The following MDGA2 variants were observed in gnomAD, a reference collection of about 807,000 sequenced individuals.
The protein encoded by MDGA2 is MAM domain containing glycosylphosphatidylinositol anchor 2.
Under a neutral mutation model 117.8 loss-of-function variants are expected in MDGA2, and 40 were observed. The ratio of observed to expected loss-of-function variants is 0.34; its 90% CI spans 0.26 to 0.44. MDGA2 has a LOEUF of 0.44. Among genes scored for constraint, MDGA2 ranks in the 20% least tolerant of loss-of-function variants. The probability of loss-of-function intolerance (pLI) is 1.00; values close to 1 mark genes in which losing one functional copy is unlikely to be tolerated. For missense variants in MDGA2, 1,123 were observed against 1,250.6 expected (o/e 0.90, Z 1.54); for synonymous variants, 452 against 439.0 (o/e 1.03, Z -0.37).
intron 3 of MDGA2, among the ~76,000 whole-genome samples, chr14:47,166,332 C>T: frequency 6.6e-6 from 1 of 152,258 alleles, no homozygotes; most frequent in East Asian, 1.9e-4. Flanking sequence ...TGGCGCCCCA[C>T]CACTGTTTAC....
intron 2 of MDGA2, among the ~76,000 whole-genome samples, chr14:47,236,377 A>G (rs1886864848): frequency 6.6e-6 from 1 of 152,046 alleles, no homozygotes; most frequent in African/African-American, 2.4e-5. Flanking sequence ...GCTGAAGGAT[A>G]CACTTAAGCC....
intron 1 of MDGA2, among the ~76,000 whole-genome samples, chr14:47,329,584 G>A (rs1301068363): frequency 1.3e-5 from 2 of 151,960 alleles, no homozygotes; most frequent in Admixed American, 6.6e-5. Flanking sequence ...CAAAAGTAAA[G>A]TTGATTATGA....
chr14:47,353,045 T>G (rs1594812680), intron 1 of MDGA2, among the ~76,000 whole-genome samples: 1 of 152,086 alleles, frequency 6.6e-6, no homozygotes, highest in African/African-American at 2.4e-5. Flanking sequence ...TGAGGCAACA[T>G]TAATTATTGC....
At chr14:46,887,912 T>C (rs1030436598) in intron 10 of MDGA2, among the ~76,000 whole-genome samples, 6 of 152,098 alleles carry the variant, frequency 3.9e-5, no homozygotes, top group African/African-American at 1.4e-4. Flanking sequence ...AGGTGTACTT[T>C]CCTTGATGTT....
At chr14:47,570,125 A>C (rs2138818721) in intron 1 of MDGA2, among the ~76,000 whole-genome samples, 1 of 152,356 alleles carries the variant, frequency 6.6e-6, no homozygotes, top group Middle Eastern at 3.4e-3. Flanking sequence ...ATGCCATAAA[A>C]TATTAACCTT....
At chr14:46,963,435 A>G (rs7161161) in intron 8 of MDGA2, among the ~76,000 whole-genome samples, 15,109 of 152,234 alleles carry the variant, frequency 0.099, 1,363 homozygotes, top group African/African-American at 0.21. Flanking sequence ...CTTGTTTGCT[A>G]TTCAGGACTT....
rs1417448833 is a variant in MDGA2, at chr14:47,210,891, G to A, written c.595+7130C>T. Among the ~76,000 whole-genome samples the A allele has an allele frequency of 2.0e-5, 3 of 152,142 alleles. No individual in the cohort carries two copies. In the East Asian group the frequency reaches 5.8e-4, roughly 29 times the overall value. Reference sequence around the variant, plus strand: ...CCTAGCTATTCAGGAGCCTGAGGGGGAGGATCCCTTGAGCCCAGGAGTCCA... The same window carrying A: ...CCTAGCTATTCAGGAGCCTGAGGGGAAGGATCCCTTGAGCCCAGGAGTCCA... On this transcript the variant is annotated intron_variant, in intron 3 of 16. Transcript: ENST00000399232.
intron 5 of MDGA2, among the ~76,000 whole-genome samples, chr14:47,123,945 A>G (rs2139116261): frequency 6.6e-6 from 1 of 152,138 alleles, no homozygotes; most frequent in East Asian, 1.9e-4. Flanking sequence ...CAAAATTTAA[A>G]CCTTATACTT....
intron 14 of MDGA2, among the ~76,000 whole-genome samples, chr14:46,856,862 G>A (rs36073170): frequency 0.18 from 26,992 of 151,468 alleles, 3,128 homozygotes; most frequent in Non-Finnish European, 0.25. Flanking sequence ...TTTACTATGC[G>A]TTAGTGATTA....
chr14:47,174,407 T>A (rs1884336258), intron 3 of MDGA2, among the ~76,000 whole-genome samples: 1 of 152,002 alleles, frequency 6.6e-6, no homozygotes, highest in Non-Finnish European at 1.5e-5. Context: ...AGTAAAGATC[T>A]CCCCAGCAAA....
At chr14:47,474,183 C>G (rs577346114) in intron 1 of MDGA2, among the ~76,000 whole-genome samples, 1 of 152,080 alleles carries the variant, frequency 6.6e-6, no homozygotes, top group Admixed American at 6.6e-5. Flanking sequence ...TCCTATACAC[C>G]AATAAAAGGC....
chr14:46,856,394 G>C lies in MDGA2; in HGVS notation c.2753-1240C>G, dbSNP rs142358257. Among the ~76,000 whole-genome samples, 120 of 152,124 alleles carry C rather than the reference G, an allele frequency of 7.9e-4. 1 individual carries two copies. The highest frequency in any genetic ancestry group is 2.8e-3 in the African/African-American group (117 of 41,520). ...ATCAATGCATCTTGATTGTATCAAT[G>C]TTCAAGATACAGAACATTTCCATTT... On this transcript the variant is annotated intron_variant, in intron 14 of 16. Transcript: ENST00000399232.
At chr14:47,270,351 G>A (rs1888105809) in intron 2 of MDGA2, among the ~76,000 whole-genome samples, 1 of 152,090 alleles carries the variant, frequency 6.6e-6, no homozygotes. Flanking sequence ...ATAAACTAGA[G>A]ACTGCCAGTC....
At chr14:47,155,959 G>A in intron 3 of MDGA2, among the ~76,000 whole-genome samples, 1 of 118,610 alleles carries the variant, frequency 8.4e-6, no homozygotes, top group African/African-American at 3.3e-5. Context: ...ACCCAGGCTG[G>A]AGAGCAGTGG....
chr14:46,949,611 G>A (rs1885297154), intron 9 of MDGA2, among the ~76,000 whole-genome samples: 1 of 151,984 alleles, frequency 6.6e-6, no homozygotes, highest in African/African-American at 2.4e-5. Context: ...ACTGAGTTTT[G>A]ATTTTCTGTT....
rs544340420 is a variant in MDGA2, at chr14:47,103,159, C to T, written c.926-6036G>A. 7.5e-4 allele frequency among the ~76,000 whole-genome samples: 114 copies of T among 152,320 alleles called. 2 individuals are homozygous for T. Among genetic ancestry groups the T allele is most frequent in the African/African-American group, 2.6e-3 (109 of 41,578 alleles). ...TCTACATTATTTAAACCATAGAACA[C>T]ATACATATGCTAAACAAATTAAATC... On this transcript the variant is annotated intron_variant, in intron 5 of 16. Transcript: ENST00000399232.
At chr14:47,610,318 A>G (rs1485980117) in intron 1 of MDGA2, among the ~76,000 whole-genome samples, 2 of 152,092 alleles carry the variant, frequency 1.3e-5, no homozygotes, top group African/African-American at 4.8e-5. Context: ...TCCTAGCCAG[A>G]GTAATCAGAC....
chr14:47,354,445 C>A (rs1404140239), intron 1 of MDGA2, among the ~76,000 whole-genome samples: 1 of 152,090 alleles, frequency 6.6e-6, no homozygotes, highest in African/African-American at 2.4e-5. Flanking sequence ...TAAACTTTGG[C>A]AAATTCTCAC....
chr14:47,102,734 T>C (rs543697970), intron 5 of MDGA2, among the ~76,000 whole-genome samples: 1 of 152,208 alleles, frequency 6.6e-6, no homozygotes, highest in Non-Finnish European at 1.5e-5. Flanking sequence ...TATCAACTCC[T>C]GTCCCTCATT....
Sources: allele counts gnomAD v4.1 joint callset (sites outside exome capture counted in the v4.1 genomes callset), GRCh38; gene constraint gnomAD v4.1.1; transcripts MANE v1.5; gene names NCBI Gene and HGNC (gene_info 2026-07-23, HGNC 2026-07-21).